PIK3C3: variants seen among roughly 807,000 people sequenced by gnomAD.
PIK3C3 encodes the protein PI3-kinase type 3.
Under a neutral mutation model 126.1 loss-of-function variants are expected in PIK3C3, and 95 were observed. The observed-to-expected ratio is 0.75, with a 90% CI of 0.64 to 0.89. The LOEUF is 0.89. Ranked by LOEUF, PIK3C3 falls within the 40% of genes least tolerant of loss-of-function variation. The probability of loss-of-function intolerance (pLI) is 0.00; values close to 1 mark genes in which losing one functional copy is unlikely to be tolerated. For missense variants in PIK3C3, 829 were observed against 1,063.2 expected (o/e 0.78, Z 3.06); for synonymous variants, 374 against 360.0 (o/e 1.04, Z -0.44).
intron 13 of PIK3C3, chr18:42,026,723 C>A (rs1983586972): frequency 6.6e-6 from 1 of 152,212 alleles, no homozygotes; most frequent in African/African-American, 2.4e-5. Context: ...AGGTGTGAGC[C>A]ACCATGCCCA....
chr18:42,030,835 C>T (rs1983791414), intron 15 of PIK3C3, among the ~76,000 whole-genome samples: 1 of 152,122 alleles, frequency 6.6e-6, no homozygotes, highest in Non-Finnish European at 1.5e-5. Context: ...TATTTGAAAG[C>T]AGTTTGTTTT....
chr18:42,013,355 T>C (rs1982919645), intron 10 of PIK3C3, 87 bp from the exon 11 acceptor site: 8 of 801,528 alleles, frequency 1.0e-5, no homozygotes, highest in Non-Finnish European at 1.6e-5. Flanking sequence ...AAAAGTAAAA[T>C]GTTTACTTGA....
intron 4 of PIK3C3, among the ~76,000 whole-genome samples, chr18:41,974,139 C>T (rs1054942069): frequency 2.0e-5 from 3 of 152,120 alleles, no homozygotes; most frequent in Admixed American, 6.5e-5. Context: ...GGATAATGGA[C>T]AAGAGGACTG....
intron 20 of PIK3C3, among the ~76,000 whole-genome samples, chr18:42,046,020 G>A (rs1432697457): frequency 3.3e-5 from 5 of 152,080 alleles, no homozygotes; most frequent in African/African-American, 1.2e-4. Flanking sequence ...GTACCATTGT[G>A]TCTTTTGTAT....
intron 4 of PIK3C3, among the ~76,000 whole-genome samples, chr18:41,977,958 T>TTTTG (rs1045249833): frequency 1.3e-5 from 2 of 152,024 alleles, no homozygotes; most frequent in Admixed American, 1.3e-4. Context: ...TTTTGTTTGT[T>TTTTG]TTTGTTTGTT....
rs898027496 is a variant in PIK3C3 at position 41,961,191 on chromosome 18, C to T, written c.258-1298C>T. Among the ~76,000 whole-genome samples, 3 of 152,238 alleles carry T rather than the reference C, an allele frequency of 2.0e-5. No individual in the cohort carries two copies. The East Asian group carries it at 5.8e-4, about 29-fold the overall frequency. Reference sequence around the variant, plus strand: ...AGGACAGAATACAGAATAATAAATTCCACAATATTATCCAAAAAGAAATTT... The same window carrying T: ...AGGACAGAATACAGAATAATAAATTTCACAATATTATCCAAAAAGAAATTT... On this transcript the variant is annotated intron_variant, in intron 2 of 24. Coordinates refer to ENST00000262039, the MANE Select transcript of PIK3C3 (RefSeq NM_002647.4).
At chr18:42,020,778 A>C in intron 13 of PIK3C3, 73 bp downstream of exon 13, 1 of 822,868 alleles carries the variant, frequency 1.2e-6, no homozygotes, top group Non-Finnish European at 2.0e-6. Context: ...TATAAACACA[A>C]AGATGATTTA....
intron 21 of PIK3C3, chr18:42,051,091 G>C (rs941161813): frequency 1.3e-5 from 2 of 152,212 alleles, no homozygotes; most frequent in African/African-American, 2.4e-5. Flanking sequence ...GCTAGTAGAT[G>C]CTGGGAATAC....
At position 42,076,151 on chromosome 18, in the gene PIK3C3, TATATATATATGCAC is replaced by T. The variant is rs1986006823; in HGVS notation, c.2650-4961_2650-4948del. Among the ~76,000 whole-genome samples, 11 of 103,780 alleles carry T rather than the reference TATATATATATGCAC, an allele frequency of 1.1e-4. 1 individual carries two copies. The highest frequency in any genetic ancestry group is 5.8e-4 in the Admixed American group (6 of 10,310). The allele number at this position is 103,780 out of a possible 152,430, so 68.1% of individuals were successfully genotyped here. A position where few individuals can be genotyped will look rare whatever the true frequency, so the allele number is the denominator to read the frequency against. On this transcript the variant is annotated intron_variant, in intron 24 of 24. Transcript: ENST00000262039. ...ATATATATATATATATATGCGCATA[TATATATATATGCAC>T]ATATATATATATGCACATATATATA...
At chr18:41,986,524 G>A (rs1348698325) in intron 4 of PIK3C3, among the ~76,000 whole-genome samples, 3 of 152,008 alleles carry the variant, frequency 2.0e-5, no homozygotes, top group African/African-American at 7.2e-5. Context: ...TTATTGATGT[G>A]GGTTCAGAAA....
Position 41,955,310 on chromosome 18 carries a change from T to G in PIK3C3, c.19T>G (p.Phe7Val), listed in dbSNP as rs760669815. MGEAEK[F>V]HYIYSCDLDI... ...CGGTGCGATGGGGGAAGCAGAGAAG[T>G]TTCACTACATCTATAGTTGTGACCT... Residue 7 changes from phenylalanine to valine, a missense_variant, in exon 1 of 25, where the codon TTT (phenylalanine) becomes GTT (valine). Phe to Val is a conservative substitution (Grantham distance 50). This residue lies in a region of PIK3C3 where 313 missense variants were observed against 340.7 expected (regional missense o/e 0.92). Transcript: ENST00000262039. 140 of 1,613,354 alleles carry G rather than the reference T, an allele frequency of 8.7e-5. No homozygotes were observed. Among genetic ancestry groups the G allele is most frequent in the Non-Finnish European group, 1.2e-4 (139 of 1,179,678 alleles).
At chr18:42,069,235 T>C (rs950184509) in intron 24 of PIK3C3, among the ~76,000 whole-genome samples, 3 of 152,202 alleles carry the variant, frequency 2.0e-5, no homozygotes, top group African/African-American at 4.8e-5. Flanking sequence ...TTGTAACCAA[T>C]CATTTGTTGA....
At chr18:42,053,723 T>G in intron 21 of PIK3C3, among the ~76,000 whole-genome samples, 1 of 152,236 alleles carries the variant, frequency 6.6e-6, no homozygotes, top group South Asian at 2.1e-4. Flanking sequence ...GAAAGGTTAA[T>G]TTTTTTGTTT....
intron 12 of PIK3C3, among the ~76,000 whole-genome samples, chr18:42,018,891 G>A: frequency 6.6e-6 from 1 of 152,090 alleles, no homozygotes; most frequent in South Asian, 2.1e-4. Flanking sequence ...TAGCATGTTG[G>A]TGTCACTATA....
In PIK3C3 at chr18:42,031,473, A is replaced by G. The variant is rs1441328383; in HGVS notation, c.1707+2032A>G. Among the ~76,000 whole-genome samples, 4 of 151,966 alleles carry G rather than the reference A, an allele frequency of 2.6e-5. No individual in the cohort carries two copies. The South Asian group carries it at 8.3e-4, about 32-fold the overall frequency. ...GCTCCGTCGTCCAGGCTGCAGTACC[A>G]TGGTACTGTGGCATGATCTCAGCTC... On this transcript the variant is annotated intron_variant, in intron 15 of 24. Transcript: ENST00000262039.
intron 7 of PIK3C3, among the ~76,000 whole-genome samples, chr18:41,995,674 G>C (rs1389403630): frequency 6.6e-6 from 1 of 152,098 alleles, no homozygotes; most frequent in Non-Finnish European, 1.5e-5. Context: ...GTAATGACGT[G>C]TGTATTATGG....
intron 24 of PIK3C3, chr18:42,070,630 C>A (rs1216892202): frequency 2.0e-5 from 3 of 152,036 alleles, no homozygotes; most frequent in African/African-American, 7.2e-5. Context: ...GTTTTCACAC[C>A]TATAAAGTGA....
At chr18:41,969,513 C>A (rs759191995) in intron 3 of PIK3C3, among the ~76,000 whole-genome samples, 1 of 152,114 alleles carries the variant, frequency 6.6e-6, no homozygotes, top group Non-Finnish European at 1.5e-5. Context: ...TATATTGTTT[C>A]ACTTTGAAGC....
chr18:42,065,442 A>G (rs1358526137), intron 23 of PIK3C3, among the ~76,000 whole-genome samples: 1 of 152,224 alleles, frequency 6.6e-6, no homozygotes, highest in East Asian at 1.9e-4. Flanking sequence ...TATGGAACTG[A>G]AAGTACAGTA....
Sources: allele counts gnomAD v4.1 joint callset (sites outside exome capture counted in the v4.1 genomes callset), GRCh38; gene constraint gnomAD v4.1.1; regional missense constraint gnomAD v4.1.1; transcripts MANE v1.5; gene names NCBI Gene and HGNC (gene_info 2026-07-23, HGNC 2026-07-21).